The following NUP107 variants were observed in gnomAD, a reference collection of about 807,000 sequenced individuals.
NUP107 encodes nucleoporin 107, also known as nuclear pore complex protein Nup107.
A neutral mutation model predicts 141.0 loss-of-function variants in NUP107; 101 were observed. That is an observed-to-expected ratio of 0.72 (90% CI 0.61 to 0.84). The LOEUF (loss-of-function observed/expected upper bound fraction) is 0.84, where lower values mean the gene tolerates loss of function less well. NUP107 is among the 40% of genes least tolerant of loss of function. The pLI is 0.00. For synonymous variants in NUP107, 319 were observed against 363.9 expected (o/e 0.88, Z 1.41); for missense variants, 941 against 1,102.7 (o/e 0.85, Z 2.08).
chr12:68,722,712 A>G (rs1592513718), intron 17 of NUP107, among the ~76,000 whole-genome samples: 1 of 152,164 alleles, frequency 6.6e-6, no homozygotes, highest in Non-Finnish European at 1.5e-5. Flanking sequence ...ACATTTTACT[A>G]CATATATTAC....
intron 18 of NUP107, among the ~76,000 whole-genome samples, chr12:68,726,246 G>C (rs1592515925): frequency 1.3e-5 from 2 of 151,966 alleles, no homozygotes; most frequent in East Asian, 1.9e-4. Flanking sequence ...TTTTAATCTT[G>C]ATAAATATTA....
chr12:68,710,596 A>G (rs1876800067), intron 10 of NUP107, among the ~76,000 whole-genome samples: 1 of 148,374 alleles, frequency 6.7e-6, no homozygotes, highest in South Asian at 2.2e-4. Context: ...TGGAGGTTGC[A>G]GTGAGCCGAG....
At position 68,731,278 on chromosome 12, in the gene NUP107, C is replaced by T. The variant is rs1555179226; in HGVS notation, c.1885+18C>T. On this transcript the variant is annotated intron_variant, in intron 21 of 27. Coordinates refer to ENST00000229179, the MANE Select transcript of NUP107 (RefSeq NM_020401.4). ...AGAAGCAGGTAAAAATGGTTGAAAA[C>T]TTTGTCTTTTGGCCTTTCTAGGCAA... 4.4e-6 allele frequency: 7 copies of T among 1,585,654 alleles called. No individual in the cohort carries two copies. Among genetic ancestry groups the T allele is most frequent in the Non-Finnish European group, 6.0e-6 (7 of 1,169,694 alleles).
chr12:68,731,490 A>T lies in NUP107; in HGVS notation c.1886-117A>T, dbSNP rs1328118695. 11 of 615,104 alleles carry T rather than the reference A, an allele frequency of 1.8e-5. 1 individual carries two copies. Among genetic ancestry groups the T allele is most frequent in the Non-Finnish European group, 2.9e-5 (11 of 384,286 alleles). 38.1% of individuals were successfully genotyped at this position (615,104 alleles called of 1,614,324 possible). A position where few individuals can be genotyped will look rare whatever the true frequency, so the allele number is the denominator to read the frequency against. On this transcript the variant is annotated intron_variant, in intron 21 of 27. Coordinates refer to ENST00000229179, the MANE Select transcript of NUP107 (RefSeq NM_020401.4). ...TTTATATAAATATCTTTCATATTTT[A>T]CATATTTTATTTTTAAGGAATTACT...
chr12:68,731,192 CA>C lies in NUP107; in HGVS notation c.1818del (p.Leu607TyrfsTer29), dbSNP rs1877808315. ...LPQDLAVAQYALFLESVTEFE... is the reference protein window; with the variant it reads ...LPQDLAVAQYXLFLESVTEFE... ...CAAGACCTAGCTGTTGCCCAGTATGCATTATTTTTGGAAAGTGTTACAGAAT... is the reference window on the plus strand; with the variant it reads ...CAAGACCTAGCTGTTGCCCAGTATGCTTATTTTTGGAAAGTGTTACAGAAT... On this transcript the variant is annotated frameshift_variant, in exon 21 of 28. Coordinates refer to ENST00000229179, the MANE Select transcript of NUP107 (RefSeq NM_020401.4). LOFTEE classifies it high-confidence loss of function. 1 of 1,612,148 alleles carries C rather than the reference CA, an allele frequency of 6.2e-7. No homozygotes were observed. The highest frequency in any genetic ancestry group is 8.5e-7 in the Non-Finnish European group (1 of 1,179,088).
chr12:68,700,753 C>T lies in NUP107; in HGVS notation c.580C>T (p.Arg194Ter), dbSNP rs774346160. The T allele has an allele frequency of 5.0e-6, 8 of 1,609,458 alleles. No homozygotes were observed. The highest frequency in any genetic ancestry group is 2.2e-5 in the East Asian group (1 of 44,740). ...QVNILSKIVS[R>*]ATPGLQKFSK... Reference sequence around the variant, plus strand: ...GAATATACTGAGTAAAATAGTGAGTCGAGCAACACCTGGACTTCAAAAATT... The same window carrying T: ...GAATATACTGAGTAAAATAGTGAGTTGAGCAACACCTGGACTTCAAAAATT... The change falls in exon 7 of 28, where the codon CGA becomes TGA. Residue 194 changes from arginine to a stop codon, truncating the protein, a stop_gained. Transcript: ENST00000229179. LOFTEE classifies it high-confidence loss of function.
At chr12:68,723,110 C>T (rs1877421028) in intron 17 of NUP107, among the ~76,000 whole-genome samples, 1 of 152,098 alleles carries the variant, frequency 6.6e-6, no homozygotes, top group South Asian at 2.1e-4. Flanking sequence ...TATGGTGGCT[C>T]ACATCTGTAA....
At chr12:68,694,977 A>G (rs1027135015) in intron 5 of NUP107, among the ~76,000 whole-genome samples, 1 of 152,234 alleles carries the variant, frequency 6.6e-6, no homozygotes, top group African/African-American at 2.4e-5. Context: ...CAGTAAGCAC[A>G]TGAAAATATA....
At chr12:68,706,595 G>T in intron 8 of NUP107, 1 of 691,876 alleles carries the variant, frequency 1.4e-6, no homozygotes, top group Non-Finnish European at 2.7e-6. Context: ...ATGAGATTGA[G>T]GGCCTCAAAG....
intron 9 of NUP107, 91 bp from the exon 10 acceptor site, chr12:68,709,914 C>G: frequency 1.4e-6 from 1 of 722,496 alleles, no homozygotes; most frequent in South Asian, 1.5e-5. Flanking sequence ...AAATCTGAAA[C>G]TGTTTGAATT....
At chr12:68,733,816 A>G (rs918075360) in intron 24 of NUP107, among the ~76,000 whole-genome samples, 1 of 152,208 alleles carries the variant, frequency 6.6e-6, no homozygotes, top group South Asian at 2.1e-4. Context: ...ACCAACCAAG[A>G]TCATCTCACA....
chr12:68,735,199 C>A (rs1878016204), intron 25 of NUP107, 32 bp from the exon 26 acceptor site: 1 of 1,320,388 alleles, frequency 7.6e-7, no homozygotes, highest in East Asian at 2.3e-5. Context: ...GGGTTTTATC[C>A]ATTATATGTC....
intron 12 of NUP107, among the ~76,000 whole-genome samples, chr12:68,717,040 G>A (rs962121408): frequency 3.3e-5 from 5 of 151,956 alleles, no homozygotes; most frequent in Admixed American, 3.3e-4. Context: ...TTGGAATACA[G>A]GCACACGCCT....
intron 4 of NUP107, among the ~76,000 whole-genome samples, chr12:68,691,041 G>GA (rs796511939): frequency 7.3e-4 from 103 of 140,388 alleles, no homozygotes; most frequent in Non-Finnish European, 1.2e-3. Flanking sequence ...GATTGCAAAA[G>GA]AAAAAAAAAA....
At chr12:68,689,773 G>T (rs1356282026) in intron 3 of NUP107, 154 bp downstream of exon 3, 1 of 600,228 alleles carries the variant, frequency 1.7e-6, no homozygotes, top group Non-Finnish European at 2.9e-6. Flanking sequence ...CTCTTGCCAT[G>T]TACAAGGTAC....
At chr12:68,703,583 T>C (rs2136010825) in intron 8 of NUP107, among the ~76,000 whole-genome samples, 1 of 152,220 alleles carries the variant, frequency 6.6e-6, no homozygotes, top group Non-Finnish European at 1.5e-5. Context: ...CCCGAGTAGC[T>C]GGGACTACAG....
At chr12:68,694,497 G>A (rs936752970) in intron 5 of NUP107, among the ~76,000 whole-genome samples, 4 of 152,158 alleles carry the variant, frequency 2.6e-5, no homozygotes, top group African/African-American at 9.7e-5. Context: ...CAGAATGAGA[G>A]AAAATATTTG....
intron 26 of NUP107, among the ~76,000 whole-genome samples, chr12:68,741,081 A>G (rs1878301517): frequency 6.6e-6 from 1 of 151,972 alleles, no homozygotes; most frequent in Admixed American, 6.6e-5. Context: ...GAAAAGAAAA[A>G]AAAAAGAAAT....
At position 68,732,643 on chromosome 12, in the gene NUP107, C is replaced by A; in HGVS notation, c.2005C>A (p.Arg669Ser). 3 of 1,578,880 alleles carry A rather than the reference C, an allele frequency of 1.9e-6. No homozygotes were observed. The highest frequency in any genetic ancestry group is 1.2e-5 in the South Asian group (1 of 86,120). Reference sequence around the variant, plus strand: ...TTTCCCCTTTAATAAATAGGAGGATCGTTTAAAAATTGATGTAATTGACTG... The same window carrying A: ...TTTCCCCTTTAATAAATAGGAGGATAGTTTAAAAATTGATGTAATTGACTG... ...ALDTGTTEED[R>S]LKIDVIDWLV... Residue 669 changes from arginine (R) to serine (S), a missense_variant, in exon 23 of 28, where the codon CGT (arginine) becomes AGT (serine). Transcript: ENST00000229179.
Sources: gnomAD v4.1 joint callset for allele counts (sites outside exome capture counted in the v4.1 genomes callset) on GRCh38, gnomAD v4.1.1 for gene constraint, MANE v1.5 for transcripts, NCBI Gene and HGNC (gene_info 2026-07-23, HGNC 2026-07-21) for gene names.